MREG: variants seen among roughly 807,000 people sequenced by gnomAD.
The protein encoded by MREG is melanoregulin, also known as dilute suppressor protein homolog.
Under a neutral mutation model 28.5 loss-of-function variants are expected in MREG, and 31 were observed. The observed-to-expected ratio is 1.09, with a 90% CI of 0.82 to 1.47. MREG has a LOEUF of 1.47. Ranked by LOEUF, MREG falls within the 40% of genes most tolerant of loss-of-function variation. The pLI is 0.00. For missense variants in MREG, 256 were observed against 257.4 expected, an observed-to-expected ratio of 0.99 and a Z score of 0.04; for synonymous variants, 106 against 95.2, an observed-to-expected ratio of 1.11 and a Z score of -0.66.
intron 1 of MREG, among the ~76,000 whole-genome samples, chr2:216,003,690 C>A (rs1310122851): frequency 6.6e-6 from 1 of 152,176 alleles, no homozygotes; most frequent in African/African-American, 2.4e-5. Flanking sequence ...CATCCACAGG[C>A]TCCCCACTCA....
intron 2 of MREG, among the ~76,000 whole-genome samples, chr2:215,991,686 G>A (rs986922032): frequency 6.6e-6 from 1 of 151,912 alleles, no homozygotes; most frequent in Non-Finnish European, 1.5e-5. Context: ...TAACCAAACA[G>A]ATGCAATGAA....
Position 216,013,231 on chromosome 2 carries a change from A to T in MREG, c.95+2T>A. ...AGATCCCGGCCCGGGCGGCGCACCCACCTGACGAGGGGCTCCTTCTCAGGC... is the reference window on the plus strand; with the variant it reads ...AGATCCCGGCCCGGGCGGCGCACCCTCCTGACGAGGGGCTCCTTCTCAGGC... On this transcript the variant is annotated splice_donor_variant, in intron 1 of 4. Coordinates refer to ENST00000263268, the MANE Select transcript of MREG (RefSeq NM_018000.3). LOFTEE classifies it high-confidence loss of function. The T allele has an allele frequency of 6.5e-7, 1 of 1,548,374 alleles. No individual in the cohort carries two copies. Among genetic ancestry groups the T allele is most frequent in the Non-Finnish European group, 8.7e-7 (1 of 1,146,364 alleles).
At chr2:216,002,824 CTTTT>C (rs1258697767) in intron 1 of MREG, among the ~76,000 whole-genome samples, 1 of 122,420 alleles carries the variant, frequency 8.2e-6, no homozygotes, top group Non-Finnish European at 1.5e-5. Context: ...TCTTTTCTTT[CTTTT>C]TTCTTTCTTC....
rs555938862 is a variant in MREG at position 216,031,475 on chromosome 2, G to A, written c.-68+1314C>T. 8.0e-4 allele frequency among the ~76,000 whole-genome samples: 106 copies of A among 132,886 alleles called. 1 individual carries two copies. The South Asian group carries it at 8.8e-3, about 11-fold the overall frequency. The allele number at this position is 132,886 out of a possible 152,430, so 87.2% of individuals were successfully genotyped here. A position where few individuals can be genotyped will look rare whatever the true frequency, so the allele number is the denominator to read the frequency against. ...AGAAAGAGAGAAAGAAAGAAAGAAA[G>A]AGAAAGAAAGAAAGAAAGAGAAAGA... On this transcript the variant is annotated intron_variant, in intron 1 of 3. Transcript: ENST00000420348.
At chr2:216,018,580 G>GA (rs942923372) in intron 1 of MREG, among the ~76,000 whole-genome samples, 19 of 152,236 alleles carry the variant, frequency 1.2e-4, no homozygotes, top group African/African-American at 4.3e-4. Flanking sequence ...CTTCCTTAAA[G>GA]AAAAAATAGG....
chr2:215,998,261 C>T lies in MREG; in HGVS notation c.96-1796G>A, dbSNP rs760932470. ...CAGAGGTTGCAGTGAGCTGAGATCG[C>T]GCCATTGTACTCCAGTCTGGGCGAC... On this transcript the variant is annotated intron_variant, in intron 1 of 4. Coordinates refer to ENST00000263268, the MANE Select transcript of MREG (RefSeq NM_018000.3). Among the ~76,000 whole-genome samples the T allele has an allele frequency of 2.1e-4, 32 of 150,116 alleles. 1 individual carries two copies. The highest frequency in any genetic ancestry group is 1.8e-3 in the Admixed American group (27 of 15,008).
chr2:215,960,537 T>G (rs2105979134), intron 2 of MREG, among the ~76,000 whole-genome samples: 1 of 152,282 alleles, frequency 6.6e-6, no homozygotes, highest in African/African-American at 2.4e-5. Context: ...GGCAGGTTTA[T>G]ATAATTAAGA....
chr2:216,027,378 A>G (rs1694612156), intron 1 of MREG, among the ~76,000 whole-genome samples: 1 of 152,190 alleles, frequency 6.6e-6, no homozygotes, highest in Admixed American at 6.6e-5. Context: ...TTTAACTTTG[A>G]AGTAAGAATA....
At chr2:215,989,139 G>A (rs757227208) in intron 2 of MREG, among the ~76,000 whole-genome samples, 4 of 152,204 alleles carry the variant, frequency 2.6e-5, no homozygotes, top group Non-Finnish European at 5.9e-5. Flanking sequence ...CCTCATACAG[G>A]AGAGCTCCTG....
intron 2 of MREG, among the ~76,000 whole-genome samples, chr2:215,961,949 A>T (rs952909907): frequency 6.6e-6 from 1 of 152,112 alleles, no homozygotes; most frequent in Non-Finnish European, 1.5e-5. Context: ...TCAAACCCCA[A>T]ATCACACCTT....
At chr2:215,983,434 T>C (rs902395058) in intron 2 of MREG, among the ~76,000 whole-genome samples, 3 of 152,174 alleles carry the variant, frequency 2.0e-5, no homozygotes, top group Non-Finnish European at 4.4e-5. Context: ...CTTTTTGTAT[T>C]AGGGATATGA....
intron 1 of MREG, among the ~76,000 whole-genome samples, chr2:216,029,271 AGATTGAGACCATCGTC>A (rs1239159191): frequency 6.6e-6 from 1 of 152,044 alleles, no homozygotes; most frequent in African/African-American, 2.4e-5. Flanking sequence ...CGAGGTCAAG[AGATTGAGACCATCGTC>A]GCCAACATGG....
rs2105962045 is a variant in MREG, at chr2:215,943,056, A to T, written c.*1807T>A. ...ATCTCGCCTATGAAATATTTTAAAC[A>T]TTGTGGACGCTACCAAAAAGCTCAT... On this transcript the variant is annotated 3_prime_UTR_variant, in exon 5 of 5. Coordinates refer to ENST00000263268, the MANE Select transcript of MREG (RefSeq NM_018000.3). 1 of 160,848 alleles carries T rather than the reference A, an allele frequency of 6.2e-6. No homozygotes were observed. The highest frequency in any genetic ancestry group is 1.8e-4 in the East Asian group (1 of 5,706). 10.0% of individuals were successfully genotyped at this position (160,848 alleles called of 1,614,324 possible). A position where few individuals can be genotyped will look rare whatever the true frequency, so the allele number is the denominator to read the frequency against.
intron 1 of MREG, among the ~76,000 whole-genome samples, chr2:216,008,927 G>A (rs1328107491): frequency 1.3e-5 from 2 of 152,180 alleles, no homozygotes; most frequent in African/African-American, 2.4e-5. Context: ...TGCCCCAAGC[G>A]GCGTGACTCA....
intron 1 of MREG, among the ~76,000 whole-genome samples, chr2:216,021,544 T>C (rs573911722): frequency 6.6e-6 from 1 of 152,212 alleles, no homozygotes; most frequent in Admixed American, 6.5e-5. Context: ...CAAATGTGAG[T>C]GCCTCCTTTA....
At chr2:215,993,543 A>G (rs1404551882) in intron 2 of MREG, among the ~76,000 whole-genome samples, 2 of 152,212 alleles carry the variant, frequency 1.3e-5, no homozygotes, top group African/African-American at 4.8e-5. Context: ...ACCAAAAACA[A>G]TGGCAACAAA....
intron 2 of MREG, among the ~76,000 whole-genome samples, chr2:215,990,431 C>G (rs1693692411): frequency 6.6e-6 from 1 of 152,184 alleles, no homozygotes. Flanking sequence ...GTACCAGCCA[C>G]TGCAAAAACA....
At chr2:215,971,215 G>A (rs998500640) in intron 2 of MREG, among the ~76,000 whole-genome samples, 1 of 152,134 alleles carries the variant, frequency 6.6e-6, no homozygotes, top group African/African-American at 2.4e-5. Context: ...TAGATGACGG[G>A]TTGATACGGG....
Position 216,013,372 on chromosome 2 carries a change from C to G in MREG, c.-45G>C, listed in dbSNP as rs1266860764. ...CGGCGCCGGAAGCCTGGGGCCGAGT[C>G]GCCGCGGCGAGCGATCGAGGCTGGG... On this transcript the variant is annotated 5_prime_UTR_variant, in exon 1 of 5. Coordinates refer to ENST00000263268, the MANE Select transcript of MREG (RefSeq NM_018000.3). 1.4e-6 allele frequency: 2 copies of G among 1,422,142 alleles called. No individual in the cohort carries two copies. Among genetic ancestry groups the G allele is most frequent in the African/African-American group, 1.5e-5 (1 of 66,756 alleles). The allele number at this position is 1,422,142 out of a possible 1,614,324, so 88.1% of individuals were successfully genotyped here. A position where few individuals can be genotyped will look rare whatever the true frequency, so the allele number is the denominator to read the frequency against.
Sources: gnomAD v4.1 joint callset for allele counts (sites outside exome capture counted in the v4.1 genomes callset) on GRCh38, gnomAD v4.1.1 for gene constraint, MANE v1.5 for transcripts, NCBI Gene and HGNC (gene_info 2026-07-23, HGNC 2026-07-21) for gene names.